Variants in CDH18 observed in about 807,000 individuals in gnomAD.
CDH18 encodes cadherin 18.
Under a neutral mutation model 67.9 loss-of-function variants are expected in CDH18, and 31 were observed. The observed-to-expected ratio is 0.46, with a 90% CI of 0.34 to 0.62. The LOEUF (loss-of-function observed/expected upper bound fraction) is 0.62, where lower values mean the gene tolerates loss of function less well. CDH18 is among the 20% of genes least tolerant of loss of function. The pLI is 0.01. For synonymous variants in CDH18, 362 were observed against 347.2 expected (o/e 1.04, Z -0.48); for missense variants, 890 against 975.5 (o/e 0.91, Z 1.17).
intron 2 of CDH18, among the ~76,000 whole-genome samples, chr5:20,243,807 C>T (rs188061572): frequency 7.6e-4 from 115 of 152,096 alleles, no homozygotes; most frequent in Admixed American, 1.3e-3. Context: ...ACTAGTGAAA[C>T]TTTATAATGG....
At chr5:19,613,720 C>T (rs376799442) in intron 5 of CDH18, among the ~76,000 whole-genome samples, 60 of 152,118 alleles carry the variant, frequency 3.9e-4, no homozygotes, top group African/African-American at 1.3e-3. Flanking sequence ...AAGTTAAAAA[C>T]GCATATTCTG....
intron 1 of CDH18, among the ~76,000 whole-genome samples, chr5:20,257,531 C>T (rs1191402497): frequency 1.3e-5 from 2 of 152,010 alleles, no homozygotes; most frequent in African/African-American, 4.8e-5. Context: ...TCATAGAGCC[C>T]AATGCACAGC....
chr5:19,953,264 G>A (rs534113697), intron 2 of CDH18, among the ~76,000 whole-genome samples: 35 of 152,046 alleles, frequency 2.3e-4, no homozygotes, highest in African/African-American at 8.2e-4. Context: ...CAAAAATACA[G>A]GAAGTCTGTG....
At chr5:20,115,122 T>G (rs2126371534) in intron 2 of CDH18, among the ~76,000 whole-genome samples, 1 of 152,182 alleles carries the variant, frequency 6.6e-6, no homozygotes, top group Non-Finnish European at 1.5e-5. Flanking sequence ...CTAGCCAATT[T>G]GGTTCTTGGT....
intron 5 of CDH18, among the ~76,000 whole-genome samples, chr5:19,619,198 A>G (rs951378548): frequency 2.0e-5 from 3 of 152,178 alleles, no homozygotes; most frequent in Admixed American, 1.3e-4. Flanking sequence ...TTCATTCATC[A>G]TTGGCAATTC....
chr5:20,574,724 G>A (rs968612788), intron 1 of CDH18, among the ~76,000 whole-genome samples: 2 of 151,994 alleles, frequency 1.3e-5, no homozygotes, highest in Admixed American at 1.3e-4. Context: ...TAATATGCGC[G>A]AAGTTCCCAT....
At chr5:19,667,541 T>C (rs1375706384) in intron 5 of CDH18, among the ~76,000 whole-genome samples, 1 of 148,988 alleles carries the variant, frequency 6.7e-6, no homozygotes, top group East Asian at 2.0e-4. Flanking sequence ...TACACACACA[T>C]AAACTGATTT....
intron 2 of CDH18, among the ~76,000 whole-genome samples, chr5:19,947,571 T>A: frequency 9.3e-6 from 1 of 107,888 alleles, no homozygotes; most frequent in Non-Finnish European, 1.8e-5. Flanking sequence ...TGAAACTCCA[T>A]CTCTACTAAA....
At chr5:20,090,184 A>AT (rs1352758590) in intron 2 of CDH18, among the ~76,000 whole-genome samples, 1 of 152,164 alleles carries the variant, frequency 6.6e-6, no homozygotes, top group Non-Finnish European at 1.5e-5. Flanking sequence ...AACTATTTGC[A>AT]TTTTTTAATG....
chr5:20,423,896 G>C lies in CDH18; in HGVS notation c.-580+151566C>G, dbSNP rs571197969. ...CGGGAGGTGGAGCTTGCAGTGAGCCGAGATCGCGCCACTGCACTCCAGCCT... is the reference window on the plus strand; with the variant it reads ...CGGGAGGTGGAGCTTGCAGTGAGCCCAGATCGCGCCACTGCACTCCAGCCT... On this transcript the variant is annotated intron_variant, in intron 1 of 14. Coordinates refer to the CDH18 transcript ENST00000507958. 1.0e-3 allele frequency among the ~76,000 whole-genome samples: 130 copies of C among 130,122 alleles called. 3 individuals carry two copies. In the East Asian group the frequency reaches 0.028, roughly 28 times the overall value. The allele number at this position is 130,122 out of a possible 152,430, so 85.4% of individuals were successfully genotyped here.
intron 1 of CDH18, among the ~76,000 whole-genome samples, chr5:20,406,765 A>G (rs1249053682): frequency 1.3e-5 from 2 of 152,028 alleles, no homozygotes; most frequent in Non-Finnish European, 2.9e-5. Flanking sequence ...AGAATAGGGA[A>G]CCCCAAGCTC....
rs1159258033 is a variant in CDH18 at position 20,068,925 on chromosome 5, TA to T, written c.-517-76912del. On this transcript the variant is annotated intron_variant, in intron 2 of 14. Coordinates refer to the CDH18 transcript ENST00000507958. ...AATGAGAAAATAAAAACAAATTTAC[TA>T]AAATCATTTTATCACCCTAATTAGT... is the stretch of plus-strand genomic sequence containing the variant. 3.3e-5 allele frequency among the ~76,000 whole-genome samples: 5 copies of T among 152,298 alleles called. No individual in the cohort carries two copies. The East Asian group carries it at 9.6e-4, about 29-fold the overall frequency.
intron 3 of CDH18, among the ~76,000 whole-genome samples, chr5:19,776,240 T>C (rs545947467): frequency 6.6e-6 from 1 of 152,264 alleles, no homozygotes; most frequent in South Asian, 2.1e-4. Context: ...ATTGTTAGGA[T>C]CTAAGGAGGA....
intron 1 of CDH18, among the ~76,000 whole-genome samples, chr5:20,286,732 A>T (rs34518112): frequency 4.0e-5 from 6 of 151,384 alleles, no homozygotes; most frequent in African/African-American, 7.3e-5. Flanking sequence ...GCAAACTTAT[A>T]AAGTATTTCT....
exon 1 of CDH18, chr5:20,575,599 T>A (rs1302925289): frequency 6.6e-6 from 1 of 152,102 alleles, no homozygotes; most frequent in Non-Finnish European, 1.5e-5. Context: ...GTCTGTTATT[T>A]CTTGCTGGAG....
At chr5:19,480,391 A>G (rs1579689497) in intron 12 of CDH18, among the ~76,000 whole-genome samples, 1 of 139,008 alleles carries the variant, frequency 7.2e-6, no homozygotes, top group East Asian at 2.1e-4. Flanking sequence ...TTATTTATTT[A>G]TTTGAGATGG....
chr5:19,856,795 A>G (rs1452800786), intron 2 of CDH18, among the ~76,000 whole-genome samples: 1 of 152,116 alleles, frequency 6.6e-6, no homozygotes, highest in African/African-American at 2.4e-5. Context: ...AGCTTCAAGC[A>G]CTGCGAGAAA....
At chr5:19,709,988 T>A (rs986576872) in intron 5 of CDH18, among the ~76,000 whole-genome samples, 1 of 151,572 alleles carries the variant, frequency 6.6e-6, no homozygotes, top group South Asian at 2.1e-4. Context: ...ATACAAAATT[T>A]GCCAGGCATG....
At chr5:19,700,315 T>C (rs1421837469) in intron 5 of CDH18, among the ~76,000 whole-genome samples, 1 of 152,148 alleles carries the variant, frequency 6.6e-6, no homozygotes, top group Non-Finnish European at 1.5e-5. Flanking sequence ...TCTAGACATT[T>C]CTACAAATAA....
Sources: allele counts gnomAD v4.1 joint callset (sites outside exome capture counted in the v4.1 genomes callset), GRCh38; gene constraint gnomAD v4.1.1; transcripts MANE v1.5; gene names NCBI Gene and HGNC (gene_info 2026-07-23, HGNC 2026-07-21).